The following LRRC4C variants were observed in gnomAD, a reference collection of about 807,000 sequenced individuals.
The protein encoded by LRRC4C is leucine-rich repeat-containing protein 4C.
Under a neutral mutation model 33.6 loss-of-function variants are expected in LRRC4C, and 5 were observed. The ratio of observed to expected loss-of-function variants is 0.15; its 90% CI spans 0.08 to 0.31. The LOEUF (loss-of-function observed/expected upper bound fraction) is 0.31, where lower values mean the gene tolerates loss of function less well. LRRC4C is among the 10% of genes least tolerant of loss of function. The pLI is 1.00. For missense variants in LRRC4C, 560 were observed against 796.7 expected, an observed-to-expected ratio of 0.70 and a Z score of 3.58; for synonymous variants, 329 against 302.0, an observed-to-expected ratio of 1.09 and a Z score of -0.93.
At chr11:40,365,682 A>G (rs1590463008) in intron 3 of LRRC4C, among the ~76,000 whole-genome samples, 1 of 152,072 alleles carries the variant, frequency 6.6e-6, no homozygotes, top group Non-Finnish European at 1.5e-5. Context: ...TGGTGACTCA[A>G]GCTGATGATT....
At chr11:41,307,458 TGAG>T (rs1950536632) in intron 1 of LRRC4C, among the ~76,000 whole-genome samples, 1 of 152,142 alleles carries the variant, frequency 6.6e-6, no homozygotes, top group Non-Finnish European at 1.5e-5. Context: ...GAATTTGAAT[TGAG>T]AAGCTTTTCA....
At chr11:40,456,682 G>A (rs1565407079) in intron 3 of LRRC4C, among the ~76,000 whole-genome samples, 1 of 152,086 alleles carries the variant, frequency 6.6e-6, no homozygotes, top group East Asian at 1.9e-4. Context: ...GTGTCCAATA[G>A]CATCAGCAAA....
chr11:41,409,370 C>T (rs10501265), intron 1 of LRRC4C, among the ~76,000 whole-genome samples: 11,892 of 152,194 alleles, frequency 0.078, 1,530 homozygotes, highest in African/African-American at 0.27. Context: ...GGGAGGATGA[C>T]TTGGAATAAA....
intron 3 of LRRC4C, among the ~76,000 whole-genome samples, chr11:40,511,338 C>A (rs539049142): frequency 1.8e-3 from 272 of 152,176 alleles, no homozygotes; most frequent in African/African-American, 6.0e-3. Context: ...ATATAGGGTA[C>A]ATTTTATGAC....
At chr11:41,344,980 T>G (rs995656663) in intron 1 of LRRC4C, among the ~76,000 whole-genome samples, 39 of 152,164 alleles carry the variant, frequency 2.6e-4, no homozygotes, top group Non-Finnish European at 4.4e-4. Context: ...TAACTGTTTT[T>G]TTTTCCCCTG....
intron 3 of LRRC4C, among the ~76,000 whole-genome samples, chr11:40,530,776 A>C (rs1177530749): frequency 1.3e-5 from 2 of 152,162 alleles, no homozygotes; most frequent in Non-Finnish European, 2.9e-5. Context: ...TATATGCCAA[A>C]AGAAAAGGAA....
intron 3 of LRRC4C, among the ~76,000 whole-genome samples, chr11:40,627,748 C>T (rs926161273): frequency 6.6e-6 from 1 of 152,146 alleles, no homozygotes; most frequent in Admixed American, 6.5e-5. Flanking sequence ...CATTTGAGCA[C>T]TTAGATGCTG....
In LRRC4C at chr11:41,177,052, C is replaced by T. The variant is rs114469406; in HGVS notation, c.-495-243329G>A. The stretch of plus-strand genomic sequence containing the variant: ...ACAGAAGAATAGTCAGGGGAGTCTC[C>T]ACTACCAACTGATCCAGGACCTGAA... On this transcript the variant is annotated intron_variant, in intron 1 of 6. Transcript: ENST00000528697. Among the ~76,000 whole-genome samples the T allele has an allele frequency of 8.4e-3, 1,275 of 152,192 alleles. 25 individuals are homozygous for T. Among genetic ancestry groups the T allele is most frequent in the African/African-American group, 0.029 (1,213 of 41,532 alleles).
chr11:40,998,133 T>C (rs1854112108), intron 1 of LRRC4C, among the ~76,000 whole-genome samples: 1 of 152,086 alleles, frequency 6.6e-6, no homozygotes, highest in South Asian at 2.1e-4. Context: ...AAATTCTAAA[T>C]TTATTGTTAC....
intron 1 of LRRC4C, among the ~76,000 whole-genome samples, chr11:41,193,749 A>G (rs1013388329): frequency 1.3e-5 from 2 of 152,166 alleles, no homozygotes; most frequent in African/African-American, 4.8e-5. Flanking sequence ...CAATGCCAGA[A>G]AACAAGTTGA....
At chr11:40,905,870 T>C (rs1342517780) in intron 2 of LRRC4C, among the ~76,000 whole-genome samples, 1 of 152,228 alleles carries the variant, frequency 6.6e-6, no homozygotes, top group Non-Finnish European at 1.5e-5. Flanking sequence ...ACTTAGTTGA[T>C]AAAGTAGCCA....
intron 4 of LRRC4C, among the ~76,000 whole-genome samples, chr11:40,298,061 T>C (rs1944597994): frequency 6.6e-6 from 1 of 152,212 alleles, no homozygotes; most frequent in African/African-American, 2.4e-5. Flanking sequence ...TCTAAGATAA[T>C]GCTCTTAGGA....
chr11:41,337,711 T>A (rs1951501277), intron 1 of LRRC4C, among the ~76,000 whole-genome samples: 1 of 152,110 alleles, frequency 6.6e-6, no homozygotes, highest in South Asian at 2.1e-4. Context: ...CTAAAGAGCT[T>A]CTGCACAGAA....
chr11:40,208,339 T>C (rs1402310195), intron 5 of LRRC4C, among the ~76,000 whole-genome samples: 2 of 152,172 alleles, frequency 1.3e-5, no homozygotes, highest in Non-Finnish European at 2.9e-5. Context: ...GAAATTCTAC[T>C]GGAAAAGACA....
At chr11:41,295,688 A>G (rs942571904) in intron 1 of LRRC4C, among the ~76,000 whole-genome samples, 1 of 152,094 alleles carries the variant, frequency 6.6e-6, no homozygotes, top group Non-Finnish European at 1.5e-5. Context: ...CACAGATCAC[A>G]ATATCACAGA....
chr11:40,550,976 C>A (rs1358976967), intron 3 of LRRC4C, among the ~76,000 whole-genome samples: 2 of 152,018 alleles, frequency 1.3e-5, no homozygotes, highest in African/African-American at 4.8e-5. Context: ...AAGAAATAAG[C>A]CTTCACTTCT....
At chr11:40,468,603 T>C (rs541323006) in intron 3 of LRRC4C, among the ~76,000 whole-genome samples, 1 of 152,230 alleles carries the variant, frequency 6.6e-6, no homozygotes, top group African/African-American at 2.4e-5. Context: ...GGCGTGTGTG[T>C]GAGTGTGTGA....
chr11:41,224,528 T>A (rs963352528), intron 1 of LRRC4C, among the ~76,000 whole-genome samples: 5 of 152,292 alleles, frequency 3.3e-5, no homozygotes, highest in African/African-American at 9.6e-5. Context: ...GATATTTGAA[T>A]TCCTAAGGAA....
At chr11:40,260,332 C>T (rs1867601649) in intron 4 of LRRC4C, among the ~76,000 whole-genome samples, 1 of 145,876 alleles carries the variant, frequency 6.9e-6, no homozygotes, top group South Asian at 2.3e-4. Context: ...CATATTCTCA[C>T]TCATAGGTGG....
Sources: gnomAD v4.1 joint callset for allele counts (sites outside exome capture counted in the v4.1 genomes callset) on GRCh38, gnomAD v4.1.1 for gene constraint, MANE v1.5 for transcripts, NCBI Gene and HGNC (gene_info 2026-07-23, HGNC 2026-07-21) for gene names.